SDK1: variants seen among roughly 807,000 people sequenced by gnomAD.
The protein encoded by SDK1 is protein sidekick-1.
Under a neutral mutation model 245.5 loss-of-function variants are expected in SDK1, and 157 were observed. The observed-to-expected ratio is 0.64, with a 90% CI of 0.56 to 0.73. The LOEUF (loss-of-function observed/expected upper bound fraction) is 0.73. Ranked by LOEUF, SDK1 falls within the 30% of genes least tolerant of loss-of-function variation. The pLI, the probability that SDK1 is intolerant of heterozygous loss-of-function variation, is 0.00. For synonymous variants in SDK1, 1,647 were observed against 1,278.5 expected (o/e 1.29, Z -6.15); for missense variants, 3,583 against 3,002.3 (o/e 1.19, Z -4.52).
intron 4 of SDK1, among the ~76,000 whole-genome samples, chr7:3,680,130 C>A (rs1458956417): frequency 6.6e-6 from 1 of 152,162 alleles, no homozygotes; most frequent in Non-Finnish European, 1.5e-5. Flanking sequence ...ATGAATGAAC[C>A]AGGCAACGAC....
intron 5 of SDK1, among the ~76,000 whole-genome samples, chr7:3,920,813 A>G (rs919879190): frequency 1.3e-5 from 2 of 152,196 alleles, no homozygotes; most frequent in Non-Finnish European, 2.9e-5. Flanking sequence ...TGCATGGGAC[A>G]TAAAGTGACT....
At chr7:3,613,061 A>G (rs992947917) in intron 1 of SDK1, among the ~76,000 whole-genome samples, 12 of 152,340 alleles carry the variant, frequency 7.9e-5, no homozygotes, top group African/African-American at 1.9e-4. Flanking sequence ...GGCAGAGTCA[A>G]AAGAAGAACT....
At chr7:3,346,926 C>T (rs1780524024) in intron 1 of SDK1, among the ~76,000 whole-genome samples, 1 of 143,690 alleles carries the variant, frequency 7.0e-6, no homozygotes, top group African/African-American at 2.6e-5. Flanking sequence ...CTGATTCTGC[C>T]TCCCAAAGTG....
intron 30 of SDK1, among the ~76,000 whole-genome samples, chr7:4,149,817 G>C (rs890795260): frequency 6.6e-6 from 1 of 152,204 alleles, no homozygotes; most frequent in Non-Finnish European, 1.5e-5. Flanking sequence ...AGGGGACCAT[G>C]TGGAGGAGGG....
intron 1 of SDK1, among the ~76,000 whole-genome samples, chr7:3,376,270 C>A (rs1434297525): frequency 6.6e-6 from 1 of 152,082 alleles, no homozygotes; most frequent in African/African-American, 2.4e-5. Flanking sequence ...TATTATAAGC[C>A]TGAAAAATTT....
intron 4 of SDK1, among the ~76,000 whole-genome samples, chr7:3,782,924 G>T (rs957165834): frequency 1.3e-5 from 2 of 152,148 alleles, no homozygotes; most frequent in Non-Finnish European, 2.9e-5. Flanking sequence ...TTATAAGAAA[G>T]AGAGTTAAAG....
At chr7:3,521,359 G>A (rs774899132) in intron 1 of SDK1, among the ~76,000 whole-genome samples, 4 of 152,106 alleles carry the variant, frequency 2.6e-5, no homozygotes, top group Admixed American at 6.5e-5. Flanking sequence ...CAGATTCATG[G>A]GTTCCAGGGA....
chr7:4,194,281 T>C (rs1026107152), intron 35 of SDK1, among the ~76,000 whole-genome samples: 1 of 103,856 alleles, frequency 9.6e-6, no homozygotes, highest in Non-Finnish European at 2.2e-5. Context: ...CATGTATAGA[T>C]ATATGTATGC....
chr7:3,441,655 T>C (rs1341125087), intron 1 of SDK1, among the ~76,000 whole-genome samples: 2 of 152,186 alleles, frequency 1.3e-5, no homozygotes, highest in Admixed American at 1.3e-4. Flanking sequence ...CCCAACTTTG[T>C]TTTCCTTTTT....
intron 5 of SDK1, among the ~76,000 whole-genome samples, chr7:3,914,568 G>A (rs1042287898): frequency 5.3e-5 from 8 of 152,176 alleles, no homozygotes; most frequent in African/African-American, 1.4e-4. Flanking sequence ...TAAAAAGCAC[G>A]CTGAAACCAT....
chr7:3,991,695 T>A (rs780522769), intron 14 of SDK1, among the ~76,000 whole-genome samples: 2 of 152,134 alleles, frequency 1.3e-5, no homozygotes, highest in Non-Finnish European at 2.9e-5. Flanking sequence ...GTGTGGGTAT[T>A]GTGGCATGCA....
rs535089892 is a variant in SDK1 at position 3,827,376 on chromosome 7, G to A, written c.847+5793G>A. 2.0e-5 allele frequency among the ~76,000 whole-genome samples: 3 copies of A among 152,074 alleles called. No individual in the cohort carries two copies. In the South Asian group the frequency reaches 6.2e-4, roughly 32 times the overall value. On this transcript the variant is annotated intron_variant, in intron 5 of 44. Coordinates refer to ENST00000404826, the MANE Select transcript of SDK1 (RefSeq NM_152744.4). ...CAACTGCTCCTTTCTTTCCGAACGA[G>A]ATGGAAGGCTCGTGTCTTACTCATC...
intron 5 of SDK1, among the ~76,000 whole-genome samples, chr7:3,907,409 T>A (rs1261776488): frequency 1.3e-5 from 2 of 152,236 alleles, no homozygotes; most frequent in African/African-American, 4.8e-5. Context: ...ACCGTAATGT[T>A]TGTAAGGATT....
intron 4 of SDK1, among the ~76,000 whole-genome samples, chr7:3,810,945 C>G (rs1261179690): frequency 2.0e-5 from 3 of 152,142 alleles, no homozygotes; most frequent in Admixed American, 6.5e-5. Flanking sequence ...CATTTTATGA[C>G]TCTAATGTGA....
chr7:3,780,622 C>G (rs553688708), intron 4 of SDK1, among the ~76,000 whole-genome samples: 1 of 152,304 alleles, frequency 6.6e-6, no homozygotes, highest in South Asian at 2.1e-4. Flanking sequence ...CCTGCACAGG[C>G]AGGAAGACAT....
intron 1 of SDK1, among the ~76,000 whole-genome samples, chr7:3,457,117 T>C (rs764865606): frequency 3.3e-5 from 5 of 152,136 alleles, no homozygotes; most frequent in Non-Finnish European, 7.4e-5. Context: ...GTTGTCCGCT[T>C]TTCTGGTGCC....
At chr7:3,870,249 C>T (rs1391572308) in intron 5 of SDK1, among the ~76,000 whole-genome samples, 1 of 152,060 alleles carries the variant, frequency 6.6e-6, no homozygotes, top group African/African-American at 2.4e-5. Context: ...TTTTTTCATT[C>T]TATAAATTTA....
At chr7:3,938,380 T>C (rs1377258760) in intron 5 of SDK1, among the ~76,000 whole-genome samples, 1 of 151,834 alleles carries the variant, frequency 6.6e-6, no homozygotes, top group Admixed American at 6.6e-5. Flanking sequence ...CGGTGGCTCA[T>C]GCCTGTAATC....
intron 1 of SDK1, among the ~76,000 whole-genome samples, chr7:3,558,872 A>G (rs1779667087): frequency 6.6e-6 from 1 of 152,224 alleles, no homozygotes; most frequent in Non-Finnish European, 1.5e-5. Flanking sequence ...ATTTTTGTAG[A>G]CTGCTATATG....
Sources: gnomAD v4.1 joint callset for allele counts (sites outside exome capture counted in the v4.1 genomes callset) on GRCh38, gnomAD v4.1.1 for gene constraint, MANE v1.5 for transcripts, NCBI Gene and HGNC (gene_info 2026-07-23, HGNC 2026-07-21) for gene names.